Variants in JAKMIP1 observed in about 807,000 individuals in gnomAD.
JAKMIP1 encodes janus kinase and microtubule-interacting protein 1.
JAKMIP1 carries 33 observed loss-of-function variants against 113.0 expected under a neutral mutation model. The ratio of observed to expected loss-of-function variants is 0.29; its 90% CI spans 0.22 to 0.39. The LOEUF is 0.39. JAKMIP1 is among the 10% of genes least tolerant of loss of function. The pLI, the probability that JAKMIP1 is intolerant of heterozygous loss-of-function variation, is 1.00. For missense variants in JAKMIP1, 813 were observed against 1,080.5 expected (o/e 0.75, Z 3.47); for synonymous variants, 480 against 459.9 (o/e 1.04, Z -0.56).
intron 3 of JAKMIP1, among the ~76,000 whole-genome samples, chr4:6,100,832 C>T (rs948269890): frequency 6.6e-6 from 1 of 152,124 alleles, no homozygotes; most frequent in Non-Finnish European, 1.5e-5. Context: ...TGAGGTAGAA[C>T]ACCTTTTCAC....
In JAKMIP1 at chr4:6,097,296, T is replaced by C. The variant is rs1180282014; in HGVS notation, c.624+8177A>G. On this transcript the variant is annotated intron_variant, in intron 3 of 20. Coordinates refer to ENST00000409021, the MANE Select transcript of JAKMIP1 (RefSeq NM_001099433.2). This position sits in a 1 kb window ranked among gnomAD's most constrained non-coding sequence, Gnocchi z 4.3. ...ACAGTCATGAGCCATCTCGCCCCGT[T>C]CTGACTCTGAATTTATATGCTACCA... 6.6e-6 allele frequency among the ~76,000 whole-genome samples: 1 copy of C among 152,232 alleles called. No homozygotes were observed. Among genetic ancestry groups the C allele is most frequent in the African/African-American group, 2.4e-5 (1 of 41,458 alleles).
chr4:6,136,399 TGGGA>T lies in JAKMIP1; in HGVS notation c.-147-23406_-147-23403del, dbSNP rs373259107. Among the ~76,000 whole-genome samples, 25,672 of 152,040 alleles carry T rather than the reference TGGGA, an allele frequency of 0.17. 2,198 individuals are homozygous for T. Among genetic ancestry groups the T allele is most frequent in the Middle Eastern group, 0.28 (81 of 294 alleles). ...GTACCCTAGTGATAATATCTCCCAC[TGGGA>T]GCAGGAATGAAGGAAGCAAAGCCAC... On this transcript the variant is annotated intron_variant, in intron 1 of 20. Transcript: ENST00000409021. The surrounding 1 kb of genome is among the most constrained non-coding windows in gnomAD (Gnocchi z 5.9).
chr4:6,039,186 T>C (rs986964419), intron 18 of JAKMIP1, among the ~76,000 whole-genome samples: 2 of 152,138 alleles, frequency 1.3e-5, no homozygotes, highest in Non-Finnish European at 2.9e-5. Flanking sequence ...TCAGCATTCT[T>C]AGGGGCCCCT....
intron 1 of JAKMIP1, among the ~76,000 whole-genome samples, chr4:6,169,571 T>C (rs1257104274): frequency 2.8e-5 from 4 of 143,726 alleles, no homozygotes; most frequent in Non-Finnish European, 6.0e-5. Context: ...GCCACCCAGA[T>C]TGTGGAAATT....
At position 6,079,718 on chromosome 4, in the gene JAKMIP1, C is replaced by T. The variant is rs193022754; in HGVS notation, c.1242+454G>A. Among the ~76,000 whole-genome samples, 4 of 152,266 alleles carry T rather than the reference C, an allele frequency of 2.6e-5. No individual in the cohort carries two copies. In the East Asian group the frequency reaches 7.7e-4, roughly 29 times the overall value. Reference sequence around the variant, plus strand: ...TATACACGTCCAAAACTCACACAGGCAGTCTTAGCAAGGTGCTGGTCTGGT... The same window carrying T: ...TATACACGTCCAAAACTCACACAGGTAGTCTTAGCAAGGTGCTGGTCTGGT... On this transcript the variant is annotated intron_variant, in intron 7 of 20. Transcript: ENST00000409021.
intron 19 of JAKMIP1, among the ~76,000 whole-genome samples, chr4:6,030,086 A>C (rs1320425898): frequency 1.3e-5 from 2 of 152,232 alleles, no homozygotes. Context: ...ATAGAATTAC[A>C]CAGTACACAT....
chr4:6,056,876 A>G, intron 11 of JAKMIP1, 117 bp from the exon 12 acceptor site: 2 of 753,088 alleles, frequency 2.7e-6, no homozygotes, highest in African/African-American at 1.7e-5. Context: ...GTCATAAAAA[A>G]TGACAGCCGT....
At chr4:6,095,407 A>G (rs2108850955) in intron 3 of JAKMIP1, among the ~76,000 whole-genome samples, 1 of 152,288 alleles carries the variant, frequency 6.6e-6, no homozygotes, top group Middle Eastern at 3.4e-3. Context: ...TACAACAAAG[A>G]ACAGAGAAGG....
At chr4:6,056,009 TC>T (rs1716379108) in intron 12 of JAKMIP1, among the ~76,000 whole-genome samples, 1 of 144,150 alleles carries the variant, frequency 6.9e-6, no homozygotes, top group Non-Finnish European at 1.5e-5. Context: ...CTGCAGGGTA[TC>T]CCCAGAGGTC....
At chr4:6,054,743 C>G in intron 12 of JAKMIP1, 1 of 456,746 alleles carries the variant, frequency 2.2e-6, no homozygotes, top group Non-Finnish European at 4.4e-6. Flanking sequence ...TACTCCAGCC[C>G]TCACCTTCTG....
rs112855285 is a variant in JAKMIP1 at position 6,080,286 on chromosome 4, A to G, written c.1128T>C (p.Ser376=). The G allele has an allele frequency of 6.2e-7, 1 of 1,614,176 alleles. No homozygotes were observed. Among genetic ancestry groups the G allele is most frequent in the Non-Finnish European group, 8.5e-7 (1 of 1,180,000 alleles). The change falls in exon 7 of 21, where the codon TCT becomes TCC. Residue 376 remains serine, a synonymous_variant. Coordinates refer to ENST00000409021, the MANE Select transcript of JAKMIP1 (RefSeq NM_001099433.2). The surrounding 1 kb of genome is among the most constrained non-coding windows in gnomAD (Gnocchi z 6.0). The stretch of plus-strand genomic sequence containing the variant: ...CATTCAAGGAGGTATGCCGCTTCAG[A>G]GACGCCTGCGCTGACAGCTTTTCTT... ...EMKEKLSAQA[S]LKRHTSLNDL... is the part of the protein sequence containing the mutation.
chr4:6,111,480 A>G (rs1249542455), intron 2 of JAKMIP1, among the ~76,000 whole-genome samples: 1 of 152,220 alleles, frequency 6.6e-6, no homozygotes, highest in Non-Finnish European at 1.5e-5. Flanking sequence ...GTGCCTGGGC[A>G]CCAGATGTTG....
At chr4:6,046,632 G>A (rs1035983423) in intron 16 of JAKMIP1, among the ~76,000 whole-genome samples, 12 of 152,164 alleles carry the variant, frequency 7.9e-5, no homozygotes, top group Non-Finnish European at 8.8e-5. Context: ...GCTGCCAGGC[G>A]AGCAGAGCAT....
intron 3 of JAKMIP1, among the ~76,000 whole-genome samples, chr4:6,101,018 G>C (rs983614922): frequency 6.6e-6 from 1 of 152,042 alleles, no homozygotes; most frequent in African/African-American, 2.4e-5. Context: ...TCTTTTATTA[G>C]TGTCTTTTGA....
chr4:6,126,898 C>T (rs1285659965), intron 1 of JAKMIP1, among the ~76,000 whole-genome samples: 1 of 151,940 alleles, frequency 6.6e-6, no homozygotes, highest in Non-Finnish European at 1.5e-5. Flanking sequence ...TACACACACA[C>T]ACCACAGATA....
chr4:6,031,400 C>A lies in JAKMIP1; in HGVS notation c.2380-1619G>T, dbSNP rs1043185178. 1.3e-5 allele frequency among the ~76,000 whole-genome samples: 2 copies of A among 152,036 alleles called. No individual in the cohort carries two copies. Among genetic ancestry groups the A allele is most frequent in the African/African-American group, 4.8e-5 (2 of 41,390 alleles). ...CCATTGCACTCCAGCCTGGGTGACA[C>A]AGAGAGACTCCATCTCAATAAATAA... On this transcript the variant is annotated intron_variant, in intron 19 of 20. Transcript: ENST00000409021. This position sits in a 1 kb window ranked among gnomAD's most constrained non-coding sequence, Gnocchi z 4.4.
At chr4:6,182,992 CGCTCA>C (rs1212356358) in intron 1 of JAKMIP1, among the ~76,000 whole-genome samples, 1 of 152,214 alleles carries the variant, frequency 6.6e-6, no homozygotes, top group Non-Finnish European at 1.5e-5. Context: ...CCCTTCCTCC[CGCTCA>C]GCTCAGCTCA....
rs1308984386 is a variant in JAKMIP1, at chr4:6,172,390, A to G, written c.-148+27863T>C. On this transcript the variant is annotated intron_variant, in intron 1 of 20. Coordinates refer to ENST00000409021, the MANE Select transcript of JAKMIP1 (RefSeq NM_001099433.2). ...AAAACAGTGCCTGTAATGAGGAAGG[A>G]CTGGGAATACTGGAAAGACAAGAGA... is the stretch of plus-strand genomic sequence containing the variant. Among the ~76,000 whole-genome samples, 3 of 152,206 alleles carry G rather than the reference A, an allele frequency of 2.0e-5. No individual in the cohort carries two copies. In the East Asian group the frequency reaches 5.8e-4, roughly 29 times the overall value.
At position 6,116,234 on chromosome 4, in the gene JAKMIP1, T is replaced by C. The variant is rs13122809; in HGVS notation, c.-147-3237A>G. 0.096 allele frequency among the ~76,000 whole-genome samples: 14,561 copies of C among 152,020 alleles called. 872 individuals are homozygous for C. Among genetic ancestry groups the C allele is most frequent in the African/African-American group, 0.17 (6,874 of 41,456 alleles). On this transcript the variant is annotated intron_variant, in intron 1 of 20. Transcript: ENST00000409021. This position sits in a 1 kb window ranked among gnomAD's most constrained non-coding sequence, Gnocchi z 5.1. Reference sequence around the variant, plus strand: ...CGCTCACAGCACCACACAGCATCACTGTAATCAGCCCCTCTGGCTGCGGGC... The same window carrying C: ...CGCTCACAGCACCACACAGCATCACCGTAATCAGCCCCTCTGGCTGCGGGC...
Sources: allele counts gnomAD v4.1 joint callset (sites outside exome capture counted in the v4.1 genomes callset), GRCh38; gene constraint gnomAD v4.1.1; non-coding constraint Gnocchi (gnomAD v3.1); transcripts MANE v1.5; gene names NCBI Gene and HGNC (gene_info 2026-07-23, HGNC 2026-07-21).